CCSER2: variants seen among roughly 807,000 people sequenced by gnomAD.
The protein encoded by CCSER2 is serine-rich coiled-coil domain-containing protein 2.
Under a neutral mutation model 92.3 loss-of-function variants are expected in CCSER2, and 46 were observed. The ratio of observed to expected loss-of-function variants is 0.50; its 90% CI spans 0.39 to 0.64. The LOEUF (loss-of-function observed/expected upper bound fraction) is 0.64, where lower values mean the gene tolerates loss of function less well. Among genes scored for constraint, CCSER2 ranks in the 30% least tolerant of loss-of-function variants. CCSER2 has a pLI of 0.00. For synonymous variants in CCSER2, 433 were observed against 431.4 expected, an observed-to-expected ratio of 1.00 and a Z score of -0.04; for missense variants, 1,244 against 1,238.9, an observed-to-expected ratio of 1.00 and a Z score of -0.06.
intron 9 of CCSER2, among the ~76,000 whole-genome samples, chr10:84,501,475 G>A (rs1008398676): frequency 6.6e-6 from 1 of 151,874 alleles, no homozygotes; most frequent in African/African-American, 2.4e-5. Flanking sequence ...TGAAGTTTGG[G>A]ATTAATTATT....
intron 3 of CCSER2, among the ~76,000 whole-genome samples, chr10:84,415,797 C>T (rs1184691014): frequency 1.3e-5 from 2 of 152,220 alleles, no homozygotes; most frequent in Non-Finnish European, 2.9e-5. Flanking sequence ...GGCTGCCCCT[C>T]CTCCTGGAAA....
chr10:84,388,734 T>G (rs1422482516), intron 3 of CCSER2, among the ~76,000 whole-genome samples: 1 of 152,174 alleles, frequency 6.6e-6, no homozygotes, highest in African/African-American at 2.4e-5. Flanking sequence ...CCACCTCAGA[T>G]CATCAGGCAT....
intron 9 of CCSER2, among the ~76,000 whole-genome samples, chr10:84,490,088 A>G (rs1176346047): frequency 6.6e-6 from 1 of 152,156 alleles, no homozygotes; most frequent in East Asian, 1.9e-4. Flanking sequence ...TCTGGCTTGT[A>G]GAGTTTCTTC....
intron 1 of CCSER2, among the ~76,000 whole-genome samples, chr10:84,347,396 C>T (rs559361799): frequency 3.4e-5 from 5 of 148,678 alleles, no homozygotes; most frequent in South Asian, 2.2e-4. Flanking sequence ...GGCGGCTGGC[C>T]GGGGAGGGGG....
At chr10:84,428,320 TC>T (rs1295574502) in intron 5 of CCSER2, among the ~76,000 whole-genome samples, 5 of 152,130 alleles carry the variant, frequency 3.3e-5, no homozygotes, top group African/African-American at 4.8e-5. Flanking sequence ...TCAACCTAGA[TC>T]CCTTGCATGC....
intron 9 of CCSER2, chr10:84,499,769 A>G (rs1051957147): frequency 9.8e-7 from 1 of 1,017,488 alleles, no homozygotes; most frequent in Admixed American, 2.4e-5. Flanking sequence ...TCTCGTTAAC[A>G]CTATTGCTCT....
At chr10:84,358,400 T>C (rs1369199805) in intron 1 of CCSER2, among the ~76,000 whole-genome samples, 1 of 152,140 alleles carries the variant, frequency 6.6e-6, no homozygotes, top group African/African-American at 2.4e-5. Flanking sequence ...TTTTCCTATA[T>C]GTTCACTTTG....
chr10:84,512,749 G>C (rs1278825182), intron 9 of CCSER2, among the ~76,000 whole-genome samples: 1 of 152,160 alleles, frequency 6.6e-6, no homozygotes, highest in Non-Finnish European at 1.5e-5. Flanking sequence ...TTAAGTAAAT[G>C]AATGTTTACT....
chr10:84,401,272 G>C (rs1006362887), intron 3 of CCSER2, among the ~76,000 whole-genome samples: 1 of 152,048 alleles, frequency 6.6e-6, no homozygotes, highest in African/African-American at 2.4e-5. Context: ...ATTGAAAGGT[G>C]GTCTTTGAAA....
chr10:84,391,218 G>C, intron 3 of CCSER2: 1 of 1,104,520 alleles, frequency 9.1e-7, no homozygotes, highest in Non-Finnish European at 1.4e-6. Flanking sequence ...CTGTGTAAGA[G>C]ACAATGAGGA....
At chr10:84,476,470 T>C (rs1449762226) in intron 8 of CCSER2, among the ~76,000 whole-genome samples, 1 of 121,754 alleles carries the variant, frequency 8.2e-6, no homozygotes, top group Non-Finnish European at 1.7e-5. Context: ...TTTGAAATGG[T>C]GTCTCCCTCT....
At chr10:84,479,009 G>A (rs1423170323) in intron 9 of CCSER2, among the ~76,000 whole-genome samples, 1 of 152,124 alleles carries the variant, frequency 6.6e-6, no homozygotes, top group East Asian at 1.9e-4. Context: ...TTACCCCATA[G>A]GGATGTTATG....
At chr10:84,390,448 A>G (rs1321306615) in intron 3 of CCSER2, among the ~76,000 whole-genome samples, 1 of 152,204 alleles carries the variant, frequency 6.6e-6, no homozygotes, top group Admixed American at 6.5e-5. Flanking sequence ...ACAAACCTGT[A>G]TAGCATGTTA....
chr10:84,460,760 T>C (rs1846059317), intron 6 of CCSER2, among the ~76,000 whole-genome samples: 1 of 152,200 alleles, frequency 6.6e-6, no homozygotes, highest in Non-Finnish European at 1.5e-5. Flanking sequence ...TTTGTGTGTG[T>C]AGAGTCATTC....
chr10:84,339,633 G>T (rs538188826), intron 1 of CCSER2, among the ~76,000 whole-genome samples: 3 of 151,764 alleles, frequency 2.0e-5, no homozygotes, highest in Admixed American at 1.3e-4. Context: ...GCGCCACCAC[G>T]CCTGGCTGGT....
intron 9 of CCSER2, among the ~76,000 whole-genome samples, chr10:84,503,681 T>G (rs1040824167): frequency 2.0e-5 from 3 of 152,224 alleles, no homozygotes; most frequent in Non-Finnish European, 4.4e-5. Context: ...TGTGTCTAAC[T>G]AAGCTTTTAA....
chr10:84,423,814 A>G (rs866237299), intron 4 of CCSER2, among the ~76,000 whole-genome samples: 9 of 152,100 alleles, frequency 5.9e-5, no homozygotes, highest in African/African-American at 1.9e-4. Flanking sequence ...ATATGAATTT[A>G]TATATGATGT....
At chr10:84,332,432 A>ATTTTTTTTTTTTTTTT (rs1461942069) in intron 1 of CCSER2, among the ~76,000 whole-genome samples, 4 of 73,322 alleles carry the variant, frequency 5.5e-5, no homozygotes, top group South Asian at 6.2e-4. Flanking sequence ...ATATATATAT[A>ATTTTTTTTTTTTTTTT]TATATTTTTT....
At position 84,450,334 on chromosome 10, in the gene CCSER2, A is replaced by G. The variant is rs1310624563; in HGVS notation, c.2064+11627A>G. ...AGTATAAAACTATCAAAAGGACATC[A>G]CACGTAATAAGGACAAATACTTTTT... On this transcript the variant is annotated intron_variant, in intron 6 of 9. Coordinates refer to ENST00000372088, the MANE Select transcript of CCSER2 (RefSeq NM_001284240.2). 2.0e-5 allele frequency among the ~76,000 whole-genome samples: 3 copies of G among 152,202 alleles called. No individual in the cohort carries two copies. In the South Asian group the frequency reaches 6.2e-4, roughly 31 times the overall value.
Sources: allele counts gnomAD v4.1 joint callset (sites outside exome capture counted in the v4.1 genomes callset), GRCh38; gene constraint gnomAD v4.1.1; transcripts MANE v1.5; gene names NCBI Gene and HGNC (gene_info 2026-07-23, HGNC 2026-07-21).